The following CRYZ variants were observed in gnomAD, a reference collection of about 807,000 sequenced individuals.
CRYZ encodes crystallin zeta.
A neutral mutation model predicts 34.1 loss-of-function variants in CRYZ; 35 were observed. That is an observed-to-expected ratio of 1.03 (90% CI 0.78 to 1.36). CRYZ has a LOEUF of 1.36. Ranked by LOEUF, CRYZ falls within the 40% of genes most tolerant of loss-of-function variation. The pLI, the probability that CRYZ is intolerant of heterozygous loss-of-function variation, is 0.00. For missense variants in CRYZ, 403 were observed against 391.8 expected (o/e 1.03, Z -0.24); for synonymous variants, 137 against 136.5 (o/e 1.00, Z -0.03).
intron 7 of CRYZ, 31 bp from the exon 8 acceptor site, chr1:74,707,025 A>G (rs1469037186): frequency 6.3e-7 from 1 of 1,588,970 alleles, no homozygotes; most frequent in East Asian, 2.2e-5. Flanking sequence ...TCTACAGTTA[A>G]AGATTACTGT....
intron 5 of CRYZ, among the ~76,000 whole-genome samples, chr1:74,711,183 A>G (rs951481891): frequency 1.3e-5 from 2 of 152,224 alleles, no homozygotes; most frequent in Admixed American, 1.3e-4. Context: ...AGGCCAAGTC[A>G]CACAGAATCT....
rs1439980453 is a variant in CRYZ at position 74,706,096 on chromosome 1, T to C, written c.*200A>G. On this transcript the variant is annotated 3_prime_UTR_variant, in exon 9 of 9. Coordinates refer to ENST00000340866, the MANE Select transcript of CRYZ (RefSeq NM_001889.4). Reference sequence around the variant, plus strand: ...TTCCTACTATGATGACTCTTTGATTTGAGACAGATGGCATAAAAAAATATT... The same window carrying C: ...TTCCTACTATGATGACTCTTTGATTCGAGACAGATGGCATAAAAAAATATT... 2.2e-6 allele frequency: 1 copy of C among 462,882 alleles called. No homozygotes were observed. Among genetic ancestry groups the C allele is most frequent in the East Asian group, 3.4e-5 (1 of 29,448 alleles). 28.7% of individuals were successfully genotyped at this position (462,882 alleles called of 1,614,324 possible).
chr1:74,719,810 T>C (rs1214136076), intron 3 of CRYZ, among the ~76,000 whole-genome samples: 1 of 151,988 alleles, frequency 6.6e-6, no homozygotes, highest in Non-Finnish European at 1.5e-5. Flanking sequence ...CATTTTAAAA[T>C]ACTTCACATT....
chr1:74,727,228 G>A (rs1320770300), intron 1 of CRYZ, among the ~76,000 whole-genome samples: 2 of 68,298 alleles, frequency 2.9e-5, no homozygotes, highest in African/African-American at 6.6e-5. Flanking sequence ...ATTTTCATAT[G>A]GCTATGAAGA....
At chr1:74,716,882 G>T (rs539583204) in intron 4 of CRYZ, among the ~76,000 whole-genome samples, 50 of 152,024 alleles carry the variant, frequency 3.3e-4, no homozygotes, top group Non-Finnish European at 5.3e-4. Flanking sequence ...CTGGATTAAT[G>T]TTCAAATCTA....
At chr1:74,732,603 G>C (rs1197672068) in intron 1 of CRYZ, among the ~76,000 whole-genome samples, 11 of 9,704 alleles carry the variant, frequency 1.1e-3, no homozygotes, top group African/African-American at 2.2e-3. Flanking sequence ...CTGGCGGGGG[G>C]GGGGGGGGGG....
intron 1 of CRYZ, among the ~76,000 whole-genome samples, chr1:74,729,951 T>C (rs896290776): frequency 1.3e-5 from 2 of 151,370 alleles, no homozygotes; most frequent in African/African-American, 4.9e-5. Flanking sequence ...TTCTGTAAGC[T>C]GGGTGCTCTC....
chr1:74,709,997 C>G, intron 6 of CRYZ, 101 bp downstream of exon 6: 2 of 930,308 alleles, frequency 2.1e-6, no homozygotes, highest in Non-Finnish European at 3.2e-6. Flanking sequence ...AAAAAGGAAG[C>G]AAACAGCTTT....
chr1:74,713,550 G>C (rs1372749067), intron 5 of CRYZ, among the ~76,000 whole-genome samples: 1 of 152,046 alleles, frequency 6.6e-6, no homozygotes. Flanking sequence ...CTTTAGAATT[G>C]ATCTATTTGA....
At chr1:74,724,580 A>G in intron 2 of CRYZ, 131 bp downstream of exon 2, 1 of 604,838 alleles carries the variant, frequency 1.7e-6, no homozygotes, top group Non-Finnish European at 2.9e-6. Context: ...GTCCATATGT[A>G]TACATAGTGT....
intron 4 of CRYZ, among the ~76,000 whole-genome samples, chr1:74,716,160 A>C (rs780939984): frequency 6.6e-6 from 1 of 151,760 alleles, no homozygotes. Context: ...CCACAATTTC[A>C]TGGGTCAACT....
intron 5 of CRYZ, among the ~76,000 whole-genome samples, chr1:74,710,657 A>G (rs1324619202): frequency 1.3e-5 from 2 of 152,218 alleles, no homozygotes; most frequent in Non-Finnish European, 2.9e-5. Flanking sequence ...GATGATCAGA[A>G]CATGCTCTCT....
At chr1:74,723,466 C>T (rs891075208) in intron 2 of CRYZ, among the ~76,000 whole-genome samples, 196 bp from the exon 3 acceptor site, 3 of 152,182 alleles carry the variant, frequency 2.0e-5, no homozygotes, top group African/African-American at 7.2e-5. Context: ...TTATGTACTG[C>T]ATTAAAAACA....
intron 3 of CRYZ, among the ~76,000 whole-genome samples, chr1:74,721,777 T>C (rs997707475): frequency 3.9e-5 from 6 of 152,158 alleles, no homozygotes; most frequent in African/African-American, 1.4e-4. Flanking sequence ...GTTTTAGACA[T>C]GTTTTGTAAG....
Position 74,725,409 on chromosome 1 carries a change from CT to C in CRYZ, c.-13-576del, listed in dbSNP as rs1211761559. Reference sequence around the variant, plus strand: ...TCTTACATGGTGGCAAACAAGAGAGCTTGTGCAGGGGAATTCCCTTTTATAA... The same window carrying C: ...TCTTACATGGTGGCAAACAAGAGAGCTGTGCAGGGGAATTCCCTTTTATAA... On this transcript the variant is annotated intron_variant, in intron 1 of 8. Coordinates refer to ENST00000340866, the MANE Select transcript of CRYZ (RefSeq NM_001889.4). Among the ~76,000 whole-genome samples, 7 of 152,290 alleles carry C rather than the reference CT, an allele frequency of 4.6e-5. No individual in the cohort carries two copies. The East Asian group carries it at 9.7e-4, about 21-fold the overall frequency.
In CRYZ at chr1:74,706,405, C is replaced by T. The variant is rs755053466; in HGVS notation, c.881G>A (p.Trp294Ter). 1 of 1,612,064 alleles carries T rather than the reference C, an allele frequency of 6.2e-7. No individual in the cohort carries two copies. Among genetic ancestry groups the T allele is most frequent in the Non-Finnish European group, 8.5e-7 (1 of 1,179,202 alleles). The part of the protein sequence containing the change: ...AALQAGMEIG[W>*]LKPVIGSQYP... ...TTGAGAACCTATCACAGGTTTCAAC[C>T]AGCCAATTTCCATTCCAGCTTGAAG... Residue 294 changes from tryptophan to a stop codon, truncating the protein, a stop_gained, in exon 9 of 9, where the codon TGG becomes TAG. Coordinates refer to ENST00000340866, the MANE Select transcript of CRYZ (RefSeq NM_001889.4). LOFTEE classifies it high-confidence loss of function.
intron 1 of CRYZ, among the ~76,000 whole-genome samples, chr1:74,731,300 G>C (rs931480644): frequency 2.6e-5 from 4 of 152,088 alleles, no homozygotes; most frequent in African/African-American, 9.7e-5. Flanking sequence ...TTTTAACATA[G>C]GATGAACAGA....
chr1:74,716,717 C>T (rs1165581326), intron 4 of CRYZ, among the ~76,000 whole-genome samples: 1 of 152,122 alleles, frequency 6.6e-6, no homozygotes, highest in Non-Finnish European at 1.5e-5. Context: ...AGATTACTGA[C>T]TCTCAATAGC....
chr1:74,707,194 C>G lies in CRYZ; in HGVS notation c.641G>C (p.Gly214Ala). 6.6e-7 allele frequency: 1 copy of G among 1,516,938 alleles called. No homozygotes were observed. Among genetic ancestry groups the G allele is most frequent in the South Asian group, 1.2e-5 (1 of 83,936 alleles). The allele number at this position is 1,516,938 out of a possible 1,614,324, so 94.0% of individuals were successfully genotyped here. A position where few individuals can be genotyped will look rare whatever the true frequency, so the allele number is the denominator to read the frequency against. The change falls in exon 7 of 9, where the codon GGT (glycine) becomes GCT (alanine). Residue 214 changes from glycine (G) to alanine (A), a missense_variant. Gly to Ala is a moderately conservative substitution (Grantham distance 60). Transcript: ENST00000340866. ...NYIDKIKKYV[G>A]EKGIDIIIEM... ...AATAATTATATCAATTCCTTTCTCA[C>G]CAACATACTTCTATATAATAAAAGA...
Sources: gnomAD v4.1 joint callset for allele counts (sites outside exome capture counted in the v4.1 genomes callset) on GRCh38, gnomAD v4.1.1 for gene constraint, MANE v1.5 for transcripts, NCBI Gene and HGNC (gene_info 2026-07-23, HGNC 2026-07-21) for gene names.